HHAT: variants seen among roughly 807,000 people sequenced by gnomAD.
The protein encoded by HHAT is hedgehog acyltransferase, also known as protein-cysteine N-palmitoyltransferase HHAT.
A neutral mutation model predicts 70.8 loss-of-function variants in HHAT; 47 were observed. The observed-to-expected ratio is 0.66, with a 90% confidence interval of 0.53 to 0.85. The LOEUF (loss-of-function observed/expected upper bound fraction) is 0.85, where lower values mean the gene tolerates loss of function less well. Ranked by LOEUF, HHAT falls within the 40% of genes least tolerant of loss-of-function variation. The pLI, the probability that HHAT is intolerant of heterozygous loss-of-function variation, is 0.00. For missense variants in HHAT, 609 were observed against 604.8 expected (o/e 1.01, Z -0.07); for synonymous variants, 228 against 247.6 (o/e 0.92, Z 0.74).
intron 6 of HHAT, among the ~76,000 whole-genome samples, chr1:210,415,411 G>A (rs2092691399): frequency 6.6e-6 from 1 of 152,186 alleles, no homozygotes; most frequent in South Asian, 2.1e-4. Context: ...AAAGGGGTCT[G>A]CCTGGGGTCA....
chr1:210,667,421 C>T (rs1297248195), intron 11 of HHAT, among the ~76,000 whole-genome samples: 1 of 143,666 alleles, frequency 7.0e-6, no homozygotes, highest in African/African-American at 2.5e-5. Context: ...TATTTTTTCT[C>T]ACATCTTTTG....
chr1:210,433,308 C>T (rs1175110418), intron 7 of HHAT, among the ~76,000 whole-genome samples: 4 of 151,774 alleles, frequency 2.6e-5, no homozygotes, highest in Non-Finnish European at 4.4e-5. Flanking sequence ...AGGGACTCTG[C>T]CTGGCAGTTG....
intron 8 of HHAT, among the ~76,000 whole-genome samples, chr1:210,483,163 A>G (rs1290298003): frequency 2.0e-5 from 3 of 151,928 alleles, no homozygotes; most frequent in Admixed American, 2.0e-4. Context: ...TGTCACTGTG[A>G]CTCTTTCTAC....
At chr1:210,551,573 T>C (rs527358607) in intron 9 of HHAT, among the ~76,000 whole-genome samples, 38 of 152,370 alleles carry the variant, frequency 2.5e-4, no homozygotes, top group Non-Finnish European at 4.6e-4. Flanking sequence ...TAAAACTTTA[T>C]CATCACAAGG....
intron 11 of HHAT, among the ~76,000 whole-genome samples, chr1:210,669,536 A>G (rs568615153): frequency 4.6e-5 from 7 of 152,330 alleles, no homozygotes; most frequent in African/African-American, 1.7e-4. Context: ...GCAATTAGCT[A>G]TATCTGTCAA....
intron 10 of HHAT, among the ~76,000 whole-genome samples, chr1:210,612,409 G>A (rs541118440): frequency 6.6e-6 from 1 of 152,152 alleles, no homozygotes; most frequent in South Asian, 2.1e-4. Flanking sequence ...TACAATGTTT[G>A]TCCCTTTGTG....
chr1:210,632,082 C>G (rs1045450045), intron 11 of HHAT, among the ~76,000 whole-genome samples: 2 of 152,138 alleles, frequency 1.3e-5, no homozygotes, highest in Admixed American at 6.5e-5. Flanking sequence ...GGTGGCTGCC[C>G]TGATCACATT....
At chr1:210,670,868 T>C (rs1679936787) in intron 11 of HHAT, among the ~76,000 whole-genome samples, 1 of 152,036 alleles carries the variant, frequency 6.6e-6, no homozygotes, top group Non-Finnish European at 1.5e-5. Flanking sequence ...CTCTGAGCTG[T>C]CATTGTGTAG....
chr1:210,416,223 G>A (rs1247363493), intron 6 of HHAT, among the ~76,000 whole-genome samples: 2 of 152,216 alleles, frequency 1.3e-5, no homozygotes, highest in South Asian at 2.1e-4. Flanking sequence ...GGCTGCAGAG[G>A]GTCCCACAGC....
At position 210,428,847 on chromosome 1, in the gene HHAT, G is replaced by A. The variant is rs72745493; in HGVS notation, c.856+10522G>A. On this transcript the variant is annotated intron_variant, in intron 7 of 11. Coordinates refer to ENST00000261458, the MANE Select transcript of HHAT (RefSeq NM_018194.6). ...CAAAAATTAGCCAGGGTGGTAGTGC[G>A]TGCCAGTAGTGCCAGCTACTCAGGA... Among the ~76,000 whole-genome samples, 473 of 151,576 alleles carry A rather than the reference G, an allele frequency of 3.1e-3. 1 individual carries two copies. Among genetic ancestry groups the A allele is most frequent in the Non-Finnish European group, 5.6e-3 (381 of 67,978 alleles).
chr1:210,551,799 C>T (rs528352822), intron 9 of HHAT, among the ~76,000 whole-genome samples: 12 of 152,286 alleles, frequency 7.9e-5, no homozygotes, highest in African/African-American at 2.2e-4. Context: ...TGTAAATAGA[C>T]GTGCAAGCCT....
At chr1:210,658,962 C>G (rs1405130487) in intron 11 of HHAT, among the ~76,000 whole-genome samples, 1 of 152,164 alleles carries the variant, frequency 6.6e-6, no homozygotes, top group East Asian at 1.9e-4. Context: ...ATTTATAGCA[C>G]TAAATGCCCA....
chr1:210,462,901 G>A (rs906092616), intron 7 of HHAT: 2 of 152,230 alleles, frequency 1.3e-5, no homozygotes, highest in Admixed American at 1.3e-4. Flanking sequence ...CCTCTCTGAA[G>A]CTTGGTTATT....
chr1:210,369,160 A>G (rs564963136), intron 3 of HHAT, among the ~76,000 whole-genome samples: 10 of 152,292 alleles, frequency 6.6e-5, no homozygotes, highest in African/African-American at 2.2e-4. Flanking sequence ...AGACATTTAC[A>G]TGTAGAGGGG....
At chr1:210,392,048 T>C (rs2091493402) in intron 4 of HHAT, among the ~76,000 whole-genome samples, 1 of 152,142 alleles carries the variant, frequency 6.6e-6, no homozygotes, top group South Asian at 2.1e-4. Context: ...TAAAAACTTT[T>C]TGTAGAGACG....
At chr1:210,468,241 G>A (rs1352317264) in intron 8 of HHAT, among the ~76,000 whole-genome samples, 2 of 152,172 alleles carry the variant, frequency 1.3e-5, no homozygotes, top group Admixed American at 6.5e-5. Context: ...TCTGTAATGA[G>A]CATTTTTTGC....
At chr1:210,501,650 G>GA (rs1272393068) in intron 8 of HHAT, among the ~76,000 whole-genome samples, 1 of 149,224 alleles carries the variant, frequency 6.7e-6, no homozygotes. Flanking sequence ...TGCTCCTGGG[G>GA]AAAAATGGCT....
intron 10 of HHAT, among the ~76,000 whole-genome samples, chr1:210,595,847 C>G (rs907225886): frequency 6.6e-5 from 10 of 151,668 alleles, no homozygotes; most frequent in African/African-American, 2.4e-4. Context: ...TGTTTGAGTT[C>G]TTTGTAGATT....
intron 11 of HHAT, among the ~76,000 whole-genome samples, chr1:210,663,402 C>T (rs1283712969): frequency 6.6e-6 from 1 of 152,188 alleles, no homozygotes; most frequent in African/African-American, 2.4e-5. Flanking sequence ...AAGCAAGCTG[C>T]TGCTGTCTGA....
Sources: gnomAD v4.1 joint callset for allele counts (sites outside exome capture counted in the v4.1 genomes callset) on GRCh38, gnomAD v4.1.1 for gene constraint, MANE v1.5 for transcripts, NCBI Gene and HGNC (gene_info 2026-07-23, HGNC 2026-07-21) for gene names.